Variants in RSPH14 observed in about 807,000 individuals in gnomAD.
The protein encoded by RSPH14 is rhabdoid tumor deletion region gene 1.
Under a neutral mutation model 26.7 loss-of-function variants are expected in RSPH14, and 20 were observed. The observed-to-expected ratio is 0.75, with a 90% CI of 0.53 to 1.09. The LOEUF is 1.09. RSPH14 is among the 50% of genes least tolerant of loss of function. RSPH14 has a pLI of 0.00. For missense variants in RSPH14, 449 were observed against 457.2 expected (o/e 0.98, Z 0.16); for synonymous variants, 177 against 189.3 (o/e 0.93, Z 0.53).
chr22:23,060,108 G>A (rs922894238), intron 6 of RSPH14, among the ~76,000 whole-genome samples: 137 of 152,306 alleles, frequency 9.0e-4, no homozygotes, highest in African/African-American at 3.0e-3. Context: ...GAGCCTGGGA[G>A]TTTGAGGCTG....
chr22:23,171,286 G>C, the RSPH14 span, among the ~76,000 whole-genome samples: 1 of 152,016 alleles, frequency 6.6e-6, no homozygotes, highest in Non-Finnish European at 1.5e-5. Flanking sequence ...ACCTGGGCAG[G>C]TTCACTCCTC....
chr22:23,119,536 A>G (rs2267005), intron 4 of RSPH14, among the ~76,000 whole-genome samples: 71,895 of 152,144 alleles, frequency 0.47, 17,946 homozygotes, highest in Middle Eastern at 0.58. Context: ...CCACACTGCC[A>G]GCACCACACT....
At chr22:23,095,558 C>T in intron 4 of RSPH14, 1 of 926,338 alleles carries the variant, frequency 1.1e-6, no homozygotes, top group Non-Finnish European at 1.6e-6. Context: ...TGCAGTGTGG[C>T]TCGGCCTCAC....
chr22:23,086,751 T>C (rs1007417843), intron 4 of RSPH14, among the ~76,000 whole-genome samples: 2 of 152,124 alleles, frequency 1.3e-5, no homozygotes, highest in African/African-American at 4.8e-5. Context: ...GGAAATGCAG[T>C]CATGGGGCTG....
the RSPH14 span, among the ~76,000 whole-genome samples, chr22:23,179,511 C>G: frequency 5.3e-3 from 811 of 152,242 alleles, 8 homozygotes; most frequent in African/African-American, 0.018. Flanking sequence ...GCAGGTTGGC[C>G]GCCCCCTTAG....
intron 4 of RSPH14, among the ~76,000 whole-genome samples, 168 bp from the exon 5 acceptor site, chr22:23,064,301 A>C (rs900692074): frequency 6.6e-6 from 1 of 152,192 alleles, no homozygotes; most frequent in Non-Finnish European, 1.5e-5. Flanking sequence ...CAGGGGCCTG[A>C]GCGACCAGCA....
At chr22:23,061,711 A>C (rs916814829) in intron 6 of RSPH14, 98 bp downstream of exon 6, 4 of 1,192,638 alleles carry the variant, frequency 3.4e-6, no homozygotes, top group African/African-American at 1.7e-5. Flanking sequence ...CAAAGTGTGG[A>C]GTTTGGGGGA....
At chr22:23,163,967 G>C in the RSPH14 span, 1 of 152,292 alleles carries the variant, frequency 6.6e-6, no homozygotes, top group African/African-American at 2.4e-5. Context: ...CATCCGGCTT[G>C]TGTCCAGCTT....
intron 4 of RSPH14, chr22:23,096,043 C>T (rs966365243): frequency 6.2e-7 from 1 of 1,606,998 alleles, no homozygotes; most frequent in African/African-American, 1.3e-5. Context: ...CCGCTGAGAG[C>T]AAGGGCGAGA....
the RSPH14 span, among the ~76,000 whole-genome samples, chr22:23,154,536 C>G: frequency 6.6e-6 from 1 of 152,176 alleles, no homozygotes; most frequent in Non-Finnish European, 1.5e-5. Flanking sequence ...CTGAGAAGAG[C>G]AAAGGGCCAG....
chr22:23,162,447 A>G, the RSPH14 span: 1 of 358,322 alleles, frequency 2.8e-6, no homozygotes, highest in Non-Finnish European at 5.6e-6. Context: ...CTGCCTCTCC[A>G]TCCCTCTCTC....
At chr22:23,145,541 A>T, upstream of RSPH14, 1 of 1,601,530 alleles carries the variant, frequency 6.2e-7, no homozygotes, top group Non-Finnish European at 8.5e-7. Context: ...CAGCTTTCAC[A>T]GCCATCGCTG....
chr22:23,080,550 G>C (rs1443448054), intron 4 of RSPH14, among the ~76,000 whole-genome samples: 5 of 152,216 alleles, frequency 3.3e-5, no homozygotes, highest in Non-Finnish European at 5.9e-5. Flanking sequence ...AAGAAAGGAG[G>C]ACCTGTTTCT....
the RSPH14 span, among the ~76,000 whole-genome samples, chr22:23,160,167 C>T: frequency 1.3e-4 from 20 of 152,138 alleles, no homozygotes; most frequent in Non-Finnish European, 2.4e-4. Context: ...TGAGGGTTGG[C>T]GTCACAAGTA....
At position 23,066,171 on chromosome 22, in the gene RSPH14, C is replaced by G. The variant is rs550420980; in HGVS notation, c.422-2038G>C. On this transcript the variant is annotated intron_variant, in intron 4 of 6. Coordinates refer to ENST00000216036, the MANE Select transcript of RSPH14 (RefSeq NM_014433.3). ...GGGATGGGGACACTTGAGCAAAGAC[C>G]TGGGGGTAAGGAAGTTGTTAATTTT... Among the ~76,000 whole-genome samples, 207 of 152,270 alleles carry G rather than the reference C, an allele frequency of 1.4e-3. 1 individual carries two copies. The highest frequency in any genetic ancestry group is 3.4e-3 in the African/African-American group (140 of 41,544).
At chr22:23,171,842 C>CAAAAAAAAAAAAAA in the RSPH14 span, among the ~76,000 whole-genome samples, 1 of 30,800 alleles carries the variant, frequency 3.2e-5, no homozygotes, top group Non-Finnish European at 5.7e-5. Flanking sequence ...AACTCTGTCT[C>CAAAAAAAAAAAAAA]AAAAAAAAAA....
chr22:23,074,438 G>A (rs184527196), intron 4 of RSPH14, among the ~76,000 whole-genome samples: 14 of 152,322 alleles, frequency 9.2e-5, no homozygotes, highest in African/African-American at 3.4e-4. Flanking sequence ...TGGCTGAGAA[G>A]CAAGATACAG....
At chr22:23,099,214 C>T (rs567713304) in intron 4 of RSPH14, among the ~76,000 whole-genome samples, 1 of 152,372 alleles carries the variant, frequency 6.6e-6, no homozygotes, top group Non-Finnish European at 1.5e-5. Flanking sequence ...CTCTGGGCTC[C>T]CGGGTGTGAG....
intron 4 of RSPH14, among the ~76,000 whole-genome samples, chr22:23,080,002 G>T (rs986491567): frequency 6.6e-6 from 1 of 152,176 alleles, no homozygotes; most frequent in Admixed American, 6.5e-5. Context: ...TCAAGTGAGG[G>T]TTTGATGGAG....
Sources: allele counts gnomAD v4.1 joint callset (sites outside exome capture counted in the v4.1 genomes callset), GRCh38; gene constraint gnomAD v4.1.1; transcripts MANE v1.5; gene names NCBI Gene and HGNC (gene_info 2026-07-23, HGNC 2026-07-21).